The following FBXO38 variants were observed in gnomAD, a reference collection of about 807,000 sequenced individuals.
The protein encoded by FBXO38 is F-box protein 38.
FBXO38 carries 53 observed loss-of-function variants against 131.9 expected under a neutral mutation model. The observed-to-expected ratio is 0.40, with a 90% CI of 0.32 to 0.51. FBXO38 has a LOEUF of 0.51. Among genes scored for constraint, FBXO38 ranks in the 20% least tolerant of loss-of-function variants. The probability of loss-of-function intolerance (pLI) is 0.53; values close to 1 mark genes in which losing one functional copy is unlikely to be tolerated. For synonymous variants in FBXO38, 452 were observed against 505.6 expected (o/e 0.89, Z 1.42); for missense variants, 1,076 against 1,475.6 (o/e 0.73, Z 4.44).
chr5:148,419,371 GTTAGA>G (rs1469377495), intron 12 of FBXO38, among the ~76,000 whole-genome samples: 20 of 151,960 alleles, frequency 1.3e-4, no homozygotes, highest in Non-Finnish European at 2.8e-4. Context: ...ACACATATAA[GTTAGA>G]TTTTTTTTTC....
At chr5:148,395,465 A>G (rs1027777041) in intron 2 of FBXO38, among the ~76,000 whole-genome samples, 5 of 122,308 alleles carry the variant, frequency 4.1e-5, no homozygotes, top group Non-Finnish European at 1.6e-5. Context: ...ACCGCATTAT[A>G]ACAACTGTTT....
At chr5:148,429,582 A>G (rs1753915892) in intron 15 of FBXO38, among the ~76,000 whole-genome samples, 2 of 152,166 alleles carry the variant, frequency 1.3e-5, no homozygotes, top group African/African-American at 2.4e-5. Flanking sequence ...ATTTTTATCA[A>G]GTTCCAAAAA....
chr5:148,418,357 C>T (rs1268519244), intron 12 of FBXO38, among the ~76,000 whole-genome samples: 2 of 152,152 alleles, frequency 1.3e-5, no homozygotes, highest in East Asian at 3.8e-4. Context: ...CACTCAAGCT[C>T]AAGGTTTTAG....
At chr5:148,424,818 A>C (rs1302309639) in intron 13 of FBXO38, among the ~76,000 whole-genome samples, 1 of 152,104 alleles carries the variant, frequency 6.6e-6, no homozygotes, top group African/African-American at 2.4e-5. Flanking sequence ...TTGAGTGCCT[A>C]CTCTGTGTCA....
intron 15 of FBXO38, among the ~76,000 whole-genome samples, chr5:148,432,587 A>G (rs556374304): frequency 6.6e-6 from 1 of 152,348 alleles, no homozygotes; most frequent in South Asian, 2.1e-4. Flanking sequence ...AGTTAATACG[A>G]GTAAAACCCT....
intron 9 of FBXO38, among the ~76,000 whole-genome samples, chr5:148,411,152 G>A (rs1424085220): frequency 6.6e-6 from 1 of 152,082 alleles, no homozygotes; most frequent in Non-Finnish European, 1.5e-5. Context: ...CCTCTCAGAT[G>A]AGGTCCCATT....
intron 1 of FBXO38, among the ~76,000 whole-genome samples, chr5:148,391,651 T>G (rs1003836552): frequency 1.3e-5 from 2 of 152,206 alleles, no homozygotes; most frequent in Admixed American, 1.3e-4. Flanking sequence ...TTGGAACATC[T>G]GGTGTTTTGA....
chr5:148,415,415 A>G (rs1561529986), intron 10 of FBXO38: 1 of 152,900 alleles, frequency 6.5e-6, no homozygotes, highest in Non-Finnish European at 1.5e-5. Flanking sequence ...TTTTTTGTAT[A>G]TTTTTCTGGA....
At chr5:148,423,949 G>A in intron 12 of FBXO38, 49 bp from the exon 13 acceptor site, 1 of 1,571,280 alleles carries the variant, frequency 6.4e-7, no homozygotes, top group Non-Finnish European at 8.6e-7. Flanking sequence ...TGCCATTGTA[G>A]TTCTTTATAC....
intron 8 of FBXO38, 65 bp downstream of exon 8, chr5:148,409,282 A>G: frequency 9.0e-7 from 1 of 1,113,378 alleles, no homozygotes; most frequent in South Asian, 1.2e-5. Context: ...CTATTTTACA[A>G]AAAATTGTGG....
At chr5:148,394,612 A>G in intron 1 of FBXO38, 102 bp from the exon 2 acceptor site, 1 of 432,120 alleles carries the variant, frequency 2.3e-6, no homozygotes, top group Non-Finnish European at 4.0e-6. Context: ...GTGTACCATT[A>G]TGATACCTCT....
At chr5:148,439,479 A>C (rs1202238983) in intron 18 of FBXO38, among the ~76,000 whole-genome samples, 168 bp from the exon 19 acceptor site, 6 of 150,984 alleles carry the variant, frequency 4.0e-5, no homozygotes, top group Non-Finnish European at 8.8e-5. Context: ...TTGCAAAATT[A>C]TTCCCAGCAT....
At chr5:148,392,938 A>C (rs1758278376) in intron 1 of FBXO38, among the ~76,000 whole-genome samples, 1 of 152,122 alleles carries the variant, frequency 6.6e-6, no homozygotes. Flanking sequence ...TAAACAAGAA[A>C]AGGTGGGCAG....
Position 148,415,919 on chromosome 5 carries a change from C to A in FBXO38, c.1265-9C>A, listed in dbSNP as rs1753026742. The A allele has an allele frequency of 1.2e-6, 2 of 1,613,136 alleles. No individual in the cohort carries two copies. Among genetic ancestry groups the A allele is most frequent in the Non-Finnish European group, 1.7e-6 (2 of 1,179,360 alleles). ...TAGATTTTCTCTGGTCATGTCATTT[C>A]TTTAACAGACCACTCAAGATGGACT... is the stretch of plus-strand genomic sequence containing the variant. On this transcript the variant is annotated splice_polypyrimidine_tract_variant and intron_variant, in intron 10 of 21. Coordinates refer to ENST00000340253, the MANE Select transcript of FBXO38 (RefSeq NM_205836.3).
At chr5:148,386,223 G>A (rs1757906501) in intron 1 of FBXO38, among the ~76,000 whole-genome samples, 1 of 152,082 alleles carries the variant, frequency 6.6e-6, no homozygotes. Context: ...CAAGCACTAG[G>A]GCATTGCTCT....
chr5:148,439,120 C>T (rs1420667653), intron 18 of FBXO38, among the ~76,000 whole-genome samples: 1 of 152,090 alleles, frequency 6.6e-6, no homozygotes, highest in African/African-American at 2.4e-5. Flanking sequence ...AAGGAGTTTG[C>T]CTTCCCAAAA....
In FBXO38 at chr5:148,412,317, A is replaced by G. The variant is rs139171169; in HGVS notation, c.1093+1552A>G. Among the ~76,000 whole-genome samples, 12 of 152,206 alleles carry G rather than the reference A, an allele frequency of 7.9e-5. No individual in the cohort carries two copies. In the East Asian group the frequency reaches 2.3e-3, roughly 29 times the overall value. ...AGGTGCCTGGTACTTGTTATGGACG[A>G]TATCATGAGGTCACTGCTCACTCAC... On this transcript the variant is annotated intron_variant, in intron 9 of 21. Transcript: ENST00000340253.
Position 148,415,970 on chromosome 5 carries a change from G to A in FBXO38, c.1307G>A (p.Arg436Gln), listed in dbSNP as rs777638200. Residue 436 changes from arginine to glutamine, a missense_variant, in exon 11 of 22, where the codon CGG (arginine) becomes CAG (glutamine). By Grantham distance (43) the Arg-to-Gln change is conservative (BLOSUM62 1). This residue lies in a region of FBXO38 where 146 missense variants were observed against 274.3 expected (regional missense o/e 0.53). Transcript: ENST00000340253. The stretch of plus-strand genomic sequence containing the variant: ...CGATTGGTTGATATCAACCTAGTAC[G>A]GTGCCATGCTTTGAAGCTGGACTCT... ...WTRLVDINLV[R>Q]CHALKLDSFG... The A allele has an allele frequency of 1.1e-5, 18 of 1,613,158 alleles. No individual in the cohort carries two copies. The highest frequency in any genetic ancestry group is 2.2e-5 in the East Asian group (1 of 44,862).
intron 18 of FBXO38, among the ~76,000 whole-genome samples, 182 bp from the exon 19 acceptor site, chr5:148,439,465 G>A (rs1462909315): frequency 6.6e-6 from 1 of 151,262 alleles, no homozygotes; most frequent in Non-Finnish European, 1.5e-5. Context: ...CTAGACAGAA[G>A]AATTTGCAAA....
Sources: allele counts gnomAD v4.1 joint callset (sites outside exome capture counted in the v4.1 genomes callset), GRCh38; gene constraint gnomAD v4.1.1; regional missense constraint gnomAD v4.1.1; transcripts MANE v1.5; gene names NCBI Gene and HGNC (gene_info 2026-07-23, HGNC 2026-07-21).